The following SLX4IP variants were observed in gnomAD, a reference collection of about 807,000 sequenced individuals.
SLX4IP encodes SLX4 interacting protein, also known as protein SLX4IP.
A neutral mutation model predicts 32.9 loss-of-function variants in SLX4IP; 34 were observed. The observed-to-expected ratio is 1.03, with a 90% CI of 0.79 to 1.38. The LOEUF (loss-of-function observed/expected upper bound fraction) is 1.38, where lower values mean the gene tolerates loss of function less well. SLX4IP is among the 40% of genes most tolerant of loss of function. The probability of loss-of-function intolerance (pLI) is 0.00; values close to 1 mark genes in which losing one functional copy is unlikely to be tolerated. For synonymous variants in SLX4IP, 172 were observed against 171.7 expected, an observed-to-expected ratio of 1.00 and a Z score of -0.01; for missense variants, 444 against 479.0, an observed-to-expected ratio of 0.93 and a Z score of 0.68.
At chr20:10,509,417 G>T (rs1040748790) in intron 2 of SLX4IP, among the ~76,000 whole-genome samples, 3 of 152,158 alleles carry the variant, frequency 2.0e-5, no homozygotes, top group African/African-American at 7.2e-5. Context: ...ACCACCATGG[G>T]TGAAATTGCT....
At chr20:10,452,680 A>AAAAATATAT (rs1326662021) in intron 1 of SLX4IP, among the ~76,000 whole-genome samples, 1 of 109,520 alleles carries the variant, frequency 9.1e-6, no homozygotes, top group African/African-American at 3.5e-5. Flanking sequence ...AAAAAAAAAA[A>AAAAATATAT]ATATATATAT....
chr20:10,594,759 T>C (rs531737368), intron 4 of SLX4IP, among the ~76,000 whole-genome samples: 1 of 152,318 alleles, frequency 6.6e-6, no homozygotes, highest in South Asian at 2.1e-4. Context: ...TGTCGTAATT[T>C]TTGCCTTTCT....
At chr20:10,486,405 A>G (rs1450699924) in intron 2 of SLX4IP, among the ~76,000 whole-genome samples, 1 of 152,094 alleles carries the variant, frequency 6.6e-6, no homozygotes, top group African/African-American at 2.4e-5. Flanking sequence ...ACAGGAAGAG[A>G]AGGAGCTCTT....
At chr20:10,618,971 G>A (rs1359578700) in intron 6 of SLX4IP, among the ~76,000 whole-genome samples, 1 of 152,052 alleles carries the variant, frequency 6.6e-6, no homozygotes, top group Non-Finnish European at 1.5e-5. Flanking sequence ...CAGCACCAGA[G>A]GCTCTGATTT....
At chr20:10,537,066 C>T (rs531508557) in intron 2 of SLX4IP, among the ~76,000 whole-genome samples, 1 of 152,220 alleles carries the variant, frequency 6.6e-6, no homozygotes, top group South Asian at 2.1e-4. Flanking sequence ...AAGCTTAGGG[C>T]ATAGAACATT....
chr20:10,504,181 C>T (rs1429287111), intron 2 of SLX4IP, among the ~76,000 whole-genome samples: 1 of 152,184 alleles, frequency 6.6e-6, no homozygotes, highest in African/African-American at 2.4e-5. Context: ...GTTGTCCTCA[C>T]TGACTGGCTT....
intron 3 of SLX4IP, among the ~76,000 whole-genome samples, chr20:10,560,059 G>A (rs1433711651): frequency 6.6e-6 from 1 of 152,178 alleles, no homozygotes; most frequent in Non-Finnish European, 1.5e-5. Context: ...TTGAAAAATG[G>A]GATAGTTTAT....
chr20:10,451,306 G>C (rs939650446), intron 1 of SLX4IP, among the ~76,000 whole-genome samples: 1 of 151,794 alleles, frequency 6.6e-6, no homozygotes, highest in Non-Finnish European at 1.5e-5. Flanking sequence ...GATTACAGGC[G>C]CCCACCACCA....
intron 2 of SLX4IP, among the ~76,000 whole-genome samples, chr20:10,541,488 A>G (rs1340215997): frequency 3.3e-5 from 5 of 152,246 alleles, no homozygotes; most frequent in Non-Finnish European, 7.3e-5. Flanking sequence ...ACTAGTTTAT[A>G]TGTAGCTGTT....
chr20:10,497,082 G>A (rs1005791817), intron 2 of SLX4IP, among the ~76,000 whole-genome samples: 9 of 152,110 alleles, frequency 5.9e-5, no homozygotes, highest in African/African-American at 1.2e-4. Context: ...AGTATCTGGC[G>A]TCACTATTGT....
intron 2 of SLX4IP, among the ~76,000 whole-genome samples, chr20:10,464,618 A>G (rs1401826140): frequency 6.6e-6 from 1 of 152,222 alleles, no homozygotes; most frequent in Non-Finnish European, 1.5e-5. Context: ...GTTGAAAAGT[A>G]CTTGGTTAGA....
Position 10,473,137 on chromosome 20 carries a change from T to G in SLX4IP, c.27+14906T>G, listed in dbSNP as rs547548394. On this transcript the variant is annotated intron_variant, in intron 2 of 7. Transcript: ENST00000334534. ...TTTGTCTGGAAGAAAAAAATAGCTG[T>G]GGGGCATGGCCAGCATTCGGTCTGG... Among the ~76,000 whole-genome samples, 15 of 152,330 alleles carry G rather than the reference T, an allele frequency of 9.8e-5. No homozygotes were observed. In the East Asian group the frequency reaches 2.9e-3, roughly 29 times the overall value.
chr20:10,568,336 A>G (rs1206395655), intron 4 of SLX4IP, among the ~76,000 whole-genome samples: 3 of 152,224 alleles, frequency 2.0e-5, no homozygotes, highest in Non-Finnish European at 2.9e-5. Context: ...GCAATGAGGC[A>G]AAACAGTGAA....
At chr20:10,558,466 C>G (rs747738529) in intron 3 of SLX4IP, among the ~76,000 whole-genome samples, 4 of 152,056 alleles carry the variant, frequency 2.6e-5, no homozygotes, top group Non-Finnish European at 5.9e-5. Flanking sequence ...GTTCAGTGTC[C>G]CCAGGCTTTC....
intron 2 of SLX4IP, among the ~76,000 whole-genome samples, chr20:10,511,977 A>C (rs1426637169): frequency 1.2e-4 from 19 of 152,262 alleles, no homozygotes; most frequent in Admixed American, 1.2e-3. Flanking sequence ...AGATAATAGC[A>C]TACAAATGTG....
intron 2 of SLX4IP, among the ~76,000 whole-genome samples, chr20:10,501,595 C>G (rs939905715): frequency 2.6e-5 from 4 of 152,358 alleles, no homozygotes; most frequent in African/African-American, 9.6e-5. Context: ...ACCTCCTCTC[C>G]GCTGTTGCCA....
chr20:10,477,659 G>C (rs1568699959), intron 2 of SLX4IP, among the ~76,000 whole-genome samples: 2 of 152,174 alleles, frequency 1.3e-5, no homozygotes, highest in Non-Finnish European at 1.5e-5. Flanking sequence ...CCAATATGGG[G>C]ATAATAAGTG....
At chr20:10,441,390 T>C (rs1048533010) in intron 1 of SLX4IP, among the ~76,000 whole-genome samples, 22 of 152,268 alleles carry the variant, frequency 1.4e-4, no homozygotes, top group Admixed American at 1.3e-3. Context: ...TGAGCCGTGA[T>C]CACGCCACTG....
chr20:10,623,382 C>T lies in SLX4IP; in HGVS notation c.*3C>T. On this transcript the variant is annotated 3_prime_UTR_variant, in exon 8 of 8. Coordinates refer to ENST00000334534, the MANE Select transcript of SLX4IP (RefSeq NM_001009608.3). ...AGAAATACGAAAGAGGCCATTAACA[C>T]CGAAGAGGTTTGTACCGTTGGAGTT... The T allele has an allele frequency of 1.2e-6, 2 of 1,607,204 alleles. No individual in the cohort carries two copies. Among genetic ancestry groups the T allele is most frequent in the South Asian group, 2.2e-5 (2 of 90,208 alleles).
Sources: gnomAD v4.1 joint callset for allele counts (sites outside exome capture counted in the v4.1 genomes callset) on GRCh38, gnomAD v4.1.1 for gene constraint, MANE v1.5 for transcripts, NCBI Gene and HGNC (gene_info 2026-07-23, HGNC 2026-07-21) for gene names.